TMEFF1: variants seen among roughly 807,000 people sequenced by gnomAD.
The protein encoded by TMEFF1 is tomoregulin-1.
In TMEFF1, 20 loss-of-function variants were observed where a neutral mutation model predicts 47.5. The ratio of observed to expected loss-of-function variants is 0.42; its 90% CI spans 0.30 to 0.61. The LOEUF (loss-of-function observed/expected upper bound fraction) is 0.61. Among genes scored for constraint, TMEFF1 ranks in the 20% least tolerant of loss-of-function variants. The pLI is 0.19. For synonymous variants in TMEFF1, 162 were observed against 166.3 expected (o/e 0.97, Z 0.20); for missense variants, 411 against 471.1 (o/e 0.87, Z 1.18).
chr9:100,485,289 A>T (rs988397755), intron 1 of TMEFF1, among the ~76,000 whole-genome samples: 2 of 152,200 alleles, frequency 1.3e-5, no homozygotes, highest in Non-Finnish European at 2.9e-5. Context: ...TTGTGTAAAT[A>T]CATTGTTTCA....
chr9:100,560,919 C>G (rs937921688), intron 7 of TMEFF1, among the ~76,000 whole-genome samples: 2 of 152,086 alleles, frequency 1.3e-5, no homozygotes, highest in African/African-American at 4.8e-5. Context: ...CAAAAATAAA[C>G]CTTTAACCCT....
intron 9 of TMEFF1, among the ~76,000 whole-genome samples, chr9:100,573,097 A>G (rs901449654): frequency 2.6e-5 from 4 of 151,742 alleles, no homozygotes; most frequent in African/African-American, 9.7e-5. Flanking sequence ...CCTCCAGAGT[A>G]GCTGAGACTA....
At chr9:100,542,227 AATGT>A (rs1838647538) in intron 5 of TMEFF1, among the ~76,000 whole-genome samples, 1 of 151,886 alleles carries the variant, frequency 6.6e-6, no homozygotes, top group African/African-American at 2.4e-5. Flanking sequence ...AAATTTCCTT[AATGT>A]CACTGTTCTC....
At chr9:100,554,236 T>G (rs145423774) in intron 7 of TMEFF1, among the ~76,000 whole-genome samples, 119 of 152,306 alleles carry the variant, frequency 7.8e-4, no homozygotes, top group African/African-American at 2.6e-3. Context: ...TCTTTTGATA[T>G]GTCCTTTTAA....
chr9:100,556,382 G>A (rs1838914912), intron 7 of TMEFF1, among the ~76,000 whole-genome samples: 1 of 152,136 alleles, frequency 6.6e-6, no homozygotes. Flanking sequence ...TCAATAAAGA[G>A]GACAGTTTGG....
chr9:100,483,361 G>A (rs974190135), intron 1 of TMEFF1, among the ~76,000 whole-genome samples: 1 of 152,084 alleles, frequency 6.6e-6, no homozygotes. Flanking sequence ...GCCGGGCATG[G>A]TGGCGCATGC....
At chr9:100,529,002 G>A (rs1838322667) in intron 5 of TMEFF1, among the ~76,000 whole-genome samples, 1 of 148,410 alleles carries the variant, frequency 6.7e-6, no homozygotes, top group African/African-American at 2.5e-5. Context: ...AGCTTCATAA[G>A]TGAAGGAGAA....
intron 1 of TMEFF1, among the ~76,000 whole-genome samples, chr9:100,495,429 G>A (rs1469473301): frequency 6.6e-6 from 1 of 152,056 alleles, no homozygotes; most frequent in African/African-American, 2.4e-5. Flanking sequence ...CTCAAATCCA[G>A]TTTTGTCCCC....
chr9:100,570,845 T>C (rs1839226183), intron 8 of TMEFF1, among the ~76,000 whole-genome samples: 1 of 152,140 alleles, frequency 6.6e-6, no homozygotes, highest in South Asian at 2.1e-4. Flanking sequence ...TAATGAGTTG[T>C]GGGACATTCA....
At chr9:100,498,657 G>T (rs2118317839) in intron 1 of TMEFF1, 108 bp from the exon 2 acceptor site, 1 of 919,906 alleles carries the variant, frequency 1.1e-6, no homozygotes, top group East Asian at 2.6e-5. Context: ...GAATGGGGGG[G>T]CTCAATACAT....
At chr9:100,482,121 A>G (rs963162337) in intron 1 of TMEFF1, among the ~76,000 whole-genome samples, 2 of 151,866 alleles carry the variant, frequency 1.3e-5, no homozygotes, top group Non-Finnish European at 2.9e-5. Flanking sequence ...GTTAGCCATT[A>G]AAAATCTGGA....
intron 1 of TMEFF1, among the ~76,000 whole-genome samples, chr9:100,485,617 C>T (rs1366947203): frequency 1.3e-5 from 2 of 152,246 alleles, no homozygotes; most frequent in East Asian, 3.9e-4. Flanking sequence ...AATTTAAATT[C>T]TCAATTTCTT....
chr9:100,562,803 G>A (rs1839044679), intron 8 of TMEFF1, among the ~76,000 whole-genome samples: 1 of 151,222 alleles, frequency 6.6e-6, no homozygotes. Flanking sequence ...CTGCAGGCAT[G>A]TGCCACCATG....
At chr9:100,503,027 A>G (rs930608695) in intron 2 of TMEFF1, among the ~76,000 whole-genome samples, 1 of 152,206 alleles carries the variant, frequency 6.6e-6, no homozygotes, top group African/African-American at 2.4e-5. Flanking sequence ...TTATAAGATT[A>G]TAAATCTGTT....
intron 1 of TMEFF1, among the ~76,000 whole-genome samples, chr9:100,482,544 T>G (rs1837362643): frequency 6.6e-6 from 1 of 152,168 alleles, no homozygotes; most frequent in Non-Finnish European, 1.5e-5. Context: ...GGGCTTTTAT[T>G]TCCACATTGC....
At chr9:100,560,089 C>G (rs1838986074) in intron 7 of TMEFF1, among the ~76,000 whole-genome samples, 2 of 152,044 alleles carry the variant, frequency 1.3e-5, no homozygotes, top group Non-Finnish European at 2.9e-5. Flanking sequence ...ATACATATAA[C>G]TCACTATTTC....
At chr9:100,547,935 G>A (rs900972662) in intron 6 of TMEFF1, 43 bp downstream of exon 6, 1 of 1,444,860 alleles carries the variant, frequency 6.9e-7, no homozygotes, top group African/African-American at 1.5e-5. Flanking sequence ...CTTTATTATT[G>A]TATAAATGTA....
intron 5 of TMEFF1, among the ~76,000 whole-genome samples, chr9:100,540,724 C>T (rs761119144): frequency 1.3e-5 from 2 of 152,168 alleles, no homozygotes; most frequent in African/African-American, 2.4e-5. Context: ...CTCATCCTTG[C>T]CAGTACTTGG....
chr9:100,498,014 T>C (rs912781351), intron 1 of TMEFF1, among the ~76,000 whole-genome samples: 2 of 152,140 alleles, frequency 1.3e-5, no homozygotes, highest in Admixed American at 1.3e-4. Flanking sequence ...AATTGCATTG[T>C]AGTGATTTTC....
Sources: gnomAD v4.1 joint callset for allele counts (sites outside exome capture counted in the v4.1 genomes callset) on GRCh38, gnomAD v4.1.1 for gene constraint, MANE v1.5 for transcripts, NCBI Gene and HGNC (gene_info 2026-07-23, HGNC 2026-07-21) for gene names.